Variants in CAMK1D observed in about 807,000 individuals in gnomAD.
CAMK1D encodes calcium/calmodulin-dependent protein kinase type 1D.
In CAMK1D, 9 loss-of-function variants were observed where a neutral mutation model predicts 47.7. The ratio of observed to expected loss-of-function variants is 0.19; its 90% CI spans 0.11 to 0.33. The LOEUF (loss-of-function observed/expected upper bound fraction) is 0.33, where lower values mean the gene tolerates loss of function less well. CAMK1D is among the 10% of genes least tolerant of loss of function. CAMK1D has a pLI of 1.00. For missense variants in CAMK1D, 291 were observed against 488.7 expected (o/e 0.60, Z 3.81); for synonymous variants, 184 against 184.9 (o/e 0.99, Z 0.04).
At chr10:12,718,344 C>A (rs1430654205) in intron 3 of CAMK1D, among the ~76,000 whole-genome samples, 1 of 152,162 alleles carries the variant, frequency 6.6e-6, no homozygotes, top group Non-Finnish European at 1.5e-5. Flanking sequence ...TGAATTTTGG[C>A]TTGATTTGTC....
intron 2 of CAMK1D, among the ~76,000 whole-genome samples, chr10:12,566,529 C>T (rs574589243): frequency 1.6e-3 from 242 of 152,294 alleles, no homozygotes; most frequent in Admixed American, 2.7e-3. Context: ...GTCACCAGAG[C>T]ATTAGAACTA....
At chr10:12,522,249 G>A (rs1835445069) in intron 1 of CAMK1D, among the ~76,000 whole-genome samples, 5 of 145,624 alleles carry the variant, frequency 3.4e-5, no homozygotes, top group South Asian at 4.6e-4. Flanking sequence ...TCGCAGAGGG[G>A]GATTTGGCAG....
intron 1 of CAMK1D, among the ~76,000 whole-genome samples, chr10:12,415,518 T>G: frequency 6.8e-6 from 1 of 146,560 alleles, no homozygotes; most frequent in Non-Finnish European, 1.5e-5. Flanking sequence ...CAGGCTGGTC[T>G]CAAACTCCTG....
At chr10:12,562,897 G>T (rs184518201) in intron 2 of CAMK1D, among the ~76,000 whole-genome samples, 190 of 152,346 alleles carry the variant, frequency 1.2e-3, no homozygotes, top group Non-Finnish European at 2.2e-3. Flanking sequence ...CTGGGACTGG[G>T]TGCTGATTAG....
chr10:12,517,853 C>G (rs578094392), intron 1 of CAMK1D, among the ~76,000 whole-genome samples: 48 of 152,226 alleles, frequency 3.2e-4, no homozygotes, highest in African/African-American at 1.1e-3. Flanking sequence ...CAGTGTATAA[C>G]TTTTAATGTC....
At chr10:12,586,944 C>G (rs915752783) in intron 2 of CAMK1D, among the ~76,000 whole-genome samples, 3 of 152,102 alleles carry the variant, frequency 2.0e-5, no homozygotes, top group Non-Finnish European at 2.9e-5. Flanking sequence ...GGTTGCTTCT[C>G]CTGCTGATAA....
chr10:12,688,470 C>T (rs1001362857), intron 3 of CAMK1D, among the ~76,000 whole-genome samples: 2 of 152,120 alleles, frequency 1.3e-5, no homozygotes, highest in Non-Finnish European at 2.9e-5. Context: ...TAAAGAATTA[C>T]AAACAGGTCA....
At chr10:12,820,302 G>A (rs551879000) in intron 8 of CAMK1D, among the ~76,000 whole-genome samples, 18 of 152,316 alleles carry the variant, frequency 1.2e-4, no homozygotes, top group Admixed American at 3.9e-4. Flanking sequence ...GATTACAGGC[G>A]TGAGCCACCA....
chr10:12,389,378 C>A (rs1337586506), intron 1 of CAMK1D, among the ~76,000 whole-genome samples: 1 of 152,172 alleles, frequency 6.6e-6, no homozygotes, highest in Non-Finnish European at 1.5e-5. Context: ...CGACACTGCT[C>A]TCCTTGGGGT....
At chr10:12,565,897 C>G (rs565896201) in intron 2 of CAMK1D, among the ~76,000 whole-genome samples, 7 of 151,968 alleles carry the variant, frequency 4.6e-5, no homozygotes, top group South Asian at 2.1e-4. Context: ...AGGCAATAGC[C>G]CACTCTAGGT....
At chr10:12,541,617 C>T (rs971031797) in intron 1 of CAMK1D, among the ~76,000 whole-genome samples, 7 of 152,160 alleles carry the variant, frequency 4.6e-5, no homozygotes, top group East Asian at 1.9e-4. Flanking sequence ...CCTTGGCCCC[C>T]CAAAAGTGCT....
chr10:12,755,637 A>G (rs896386264), intron 3 of CAMK1D, among the ~76,000 whole-genome samples: 2 of 152,044 alleles, frequency 1.3e-5, no homozygotes, highest in Non-Finnish European at 2.9e-5. Flanking sequence ...AAGTGTTCCT[A>G]TTTCTCCACA....
At position 12,791,298 on chromosome 10, in the gene CAMK1D, A is replaced by G. The variant is rs139612908; in HGVS notation, c.641+65A>G. The G allele has an allele frequency of 4.6e-4, 656 of 1,411,806 alleles. 3 individuals are homozygous for G. The African/African-American group carries it at 8.6e-3, about 19-fold the overall frequency. The allele number at this position is 1,411,806 out of a possible 1,614,324, so 87.5% of individuals were successfully genotyped here. Reference sequence around the variant, plus strand: ...CCTTTTTTTGTTTGGTGAAATATACATGAAACAAAATTTACCATTTTTAAG... The same window carrying G: ...CCTTTTTTTGTTTGGTGAAATATACGTGAAACAAAATTTACCATTTTTAAG... On this transcript the variant is annotated intron_variant, in intron 6 of 10. Transcript: ENST00000619168.
intron 6 of CAMK1D, among the ~76,000 whole-genome samples, chr10:12,805,059 G>A (rs1323684029): frequency 6.6e-6 from 1 of 151,484 alleles, no homozygotes; most frequent in Non-Finnish European, 1.5e-5. Flanking sequence ...AGAAGATCGA[G>A]ACCATCCTGG....
intron 2 of CAMK1D, among the ~76,000 whole-genome samples, chr10:12,650,074 C>T (rs1043812018): frequency 1.3e-5 from 2 of 152,200 alleles, no homozygotes; most frequent in Admixed American, 6.5e-5. Context: ...GGATAAAACC[C>T]GCACAGGTGA....
chr10:12,727,997 C>T (rs540674847), intron 3 of CAMK1D, among the ~76,000 whole-genome samples: 1 of 152,264 alleles, frequency 6.6e-6, no homozygotes, highest in South Asian at 2.1e-4. Flanking sequence ...GACTCCTGAC[C>T]TCCAATGATC....
intron 1 of CAMK1D, among the ~76,000 whole-genome samples, chr10:12,495,616 G>A (rs1316376996): frequency 2.6e-5 from 4 of 152,120 alleles, no homozygotes; most frequent in Admixed American, 1.3e-4. Context: ...AGCTTTCGAC[G>A]TCCTTTGGAA....
intron 2 of CAMK1D, among the ~76,000 whole-genome samples, chr10:12,625,336 C>CAAA (rs869128579): frequency 7.1e-5 from 3 of 42,366 alleles, no homozygotes; most frequent in Non-Finnish European, 2.0e-4. Context: ...ACTCCATGTA[C>CAAA]AAAAAAAAAA....
At chr10:12,485,593 G>A (rs1039192875) in intron 1 of CAMK1D, among the ~76,000 whole-genome samples, 1 of 152,148 alleles carries the variant, frequency 6.6e-6, no homozygotes, top group African/African-American at 2.4e-5. Flanking sequence ...GGGAGTCCTG[G>A]AAGGGAGGGT....
Sources: gnomAD v4.1 joint callset for allele counts (sites outside exome capture counted in the v4.1 genomes callset) on GRCh38, gnomAD v4.1.1 for gene constraint, MANE v1.5 for transcripts, NCBI Gene and HGNC (gene_info 2026-07-23, HGNC 2026-07-21) for gene names.